BBS9: variants seen among roughly 807,000 people sequenced by gnomAD.
The protein encoded by BBS9 is protein PTHB1.
Under a neutral mutation model 117.7 loss-of-function variants are expected in BBS9, and 89 were observed. The ratio of observed to expected loss-of-function variants is 0.76; its 90% CI spans 0.64 to 0.90. The LOEUF (loss-of-function observed/expected upper bound fraction) is 0.90, where lower values mean the gene tolerates loss of function less well. Among genes scored for constraint, BBS9 ranks in the 40% least tolerant of loss-of-function variants. The pLI is 0.00. For missense variants in BBS9, 982 were observed against 1,042.2 expected (o/e 0.94, Z 0.80); for synonymous variants, 379 against 370.9 (o/e 1.02, Z -0.25).
chr7:33,570,673 A>G (rs1857629142), intron 21 of BBS9, among the ~76,000 whole-genome samples: 1 of 152,220 alleles, frequency 6.6e-6, no homozygotes, highest in African/African-American at 2.4e-5. Context: ...AGAGAGACCT[A>G]GTAGACATCA....
chr7:33,479,220 A>AT (rs1291044557), intron 19 of BBS9, among the ~76,000 whole-genome samples: 10 of 152,244 alleles, frequency 6.6e-5, no homozygotes, highest in African/African-American at 2.4e-4. Flanking sequence ...AGTACCCGCT[A>AT]GGTAGTTTTT....
At chr7:33,307,921 A>G (rs925709663) in intron 9 of BBS9, among the ~76,000 whole-genome samples, 1 of 152,044 alleles carries the variant, frequency 6.6e-6, no homozygotes, top group Non-Finnish European at 1.5e-5. Flanking sequence ...GTCACTTTAT[A>G]CTCTCCAAAA....
chr7:33,284,618 CT>C (rs1802535340), intron 9 of BBS9, among the ~76,000 whole-genome samples: 1 of 152,090 alleles, frequency 6.6e-6, no homozygotes, highest in Non-Finnish European at 1.5e-5. Flanking sequence ...TTGATTATTT[CT>C]TCAGTTTTGT....
intron 5 of BBS9, among the ~76,000 whole-genome samples, chr7:33,217,507 T>G (rs1789311440): frequency 6.6e-6 from 1 of 152,240 alleles, no homozygotes; most frequent in Admixed American, 6.5e-5. Context: ...GTTTAGCTCC[T>G]CAAACACTAC....
At chr7:33,221,687 C>G (rs1284238355) in intron 5 of BBS9, among the ~76,000 whole-genome samples, 1 of 152,086 alleles carries the variant, frequency 6.6e-6, no homozygotes, top group African/African-American at 2.4e-5. Flanking sequence ...TGTTCCTATA[C>G]TAGAGTGAAT....
At chr7:33,387,292 C>T (rs981536521) in intron 18 of BBS9, among the ~76,000 whole-genome samples, 6 of 152,074 alleles carry the variant, frequency 3.9e-5, no homozygotes, top group Admixed American at 2.6e-4. Context: ...TTTGTATTAA[C>T]TTTTATGTAA....
chr7:33,358,079 G>A, intron 16 of BBS9, 84 bp downstream of exon 16: 2 of 1,480,032 alleles, frequency 1.4e-6, no homozygotes, highest in Middle Eastern at 1.7e-4. Flanking sequence ...ATAATGATGG[G>A]GTAATTATCA....
Position 33,440,713 on chromosome 7 carries a change from T to C in BBS9, c.2115+52569T>C, listed in dbSNP as rs541039677. Among the ~76,000 whole-genome samples, 7 of 152,360 alleles carry C rather than the reference T, an allele frequency of 4.6e-5. No individual in the cohort carries two copies. In the South Asian group the frequency reaches 1.2e-3, roughly 27 times the overall value. On this transcript the variant is annotated intron_variant, in intron 19 of 22. Transcript: ENST00000242067. ...ACATTAAGTTAGTTGATGTTGGACA[T>C]AGGGAATTTTTGAATATGGAAAAAT...
chr7:33,580,745 A>G (rs1025836408), intron 21 of BBS9, among the ~76,000 whole-genome samples: 25 of 152,308 alleles, frequency 1.6e-4, no homozygotes, highest in Middle Eastern at 3.4e-3. Flanking sequence ...AAGGAATACA[A>G]TAGAAATCAT....
chr7:33,289,540 A>G (rs367654157), intron 9 of BBS9, among the ~76,000 whole-genome samples: 121 of 152,344 alleles, frequency 7.9e-4, no homozygotes, highest in African/African-American at 2.8e-3. Context: ...TCAAAATACA[A>G]TGAAAAAAAT....
At chr7:33,479,070 G>A (rs1467868346) in intron 19 of BBS9, among the ~76,000 whole-genome samples, 2 of 152,070 alleles carry the variant, frequency 1.3e-5, no homozygotes, top group African/African-American at 2.4e-5. Flanking sequence ...GTCTTTTCAA[G>A]GCTGAATATT....
chr7:33,171,009 A>G (rs1391876392), intron 4 of BBS9, among the ~76,000 whole-genome samples: 17 of 149,840 alleles, frequency 1.1e-4, no homozygotes, highest in African/African-American at 3.2e-4. Context: ...AATCAATATC[A>G]TGAAAATGGC....
chr7:33,241,218 GGGCAA>G (rs1389918464), intron 5 of BBS9, among the ~76,000 whole-genome samples: 1 of 151,946 alleles, frequency 6.6e-6, no homozygotes, highest in Non-Finnish European at 1.5e-5. Flanking sequence ...TTGGAGGGGA[GGGCAA>G]GGAGAAGACT....
intron 19 of BBS9, among the ~76,000 whole-genome samples, chr7:33,497,890 A>C (rs1844942715): frequency 6.6e-6 from 1 of 152,162 alleles, no homozygotes; most frequent in African/African-American, 2.4e-5. Context: ...CAAACAGAAG[A>C]GTCTTCCTTT....
chr7:33,258,723 G>A (rs1797485356), intron 6 of BBS9, among the ~76,000 whole-genome samples: 1 of 152,176 alleles, frequency 6.6e-6, no homozygotes. Context: ...GCCAAGTAGT[G>A]CTATGCTAGA....
At chr7:33,620,880 T>C (rs1297256676) in intron 21 of BBS9, among the ~76,000 whole-genome samples, 1 of 152,118 alleles carries the variant, frequency 6.6e-6, no homozygotes, top group African/African-American at 2.4e-5. Flanking sequence ...TGTACTGCAA[T>C]AAATACAGAA....
At chr7:33,530,026 G>C (rs1850324847) in intron 20 of BBS9, among the ~76,000 whole-genome samples, 1 of 152,184 alleles carries the variant, frequency 6.6e-6, no homozygotes, top group African/African-American at 2.4e-5. Flanking sequence ...TCTCACACCT[G>C]AGATTCTAGA....
At chr7:33,496,366 G>A (rs567219168) in intron 19 of BBS9, among the ~76,000 whole-genome samples, 1 of 152,040 alleles carries the variant, frequency 6.6e-6, no homozygotes, top group Non-Finnish European at 1.5e-5. Flanking sequence ...TTAGCTAGGC[G>A]TGGTGGTGGG....
intron 4 of BBS9, among the ~76,000 whole-genome samples, chr7:33,167,843 T>C (rs938607215): frequency 6.6e-6 from 1 of 152,186 alleles, no homozygotes; most frequent in African/African-American, 2.4e-5. Context: ...TGGATGCTTG[T>C]AAAGTTTTCA....
Sources: gnomAD v4.1 joint callset for allele counts (sites outside exome capture counted in the v4.1 genomes callset) on GRCh38, gnomAD v4.1.1 for gene constraint, MANE v1.5 for transcripts, NCBI Gene and HGNC (gene_info 2026-07-23, HGNC 2026-07-21) for gene names.